LSM3: variants seen among roughly 807,000 people sequenced by gnomAD.
The protein encoded by LSM3 is U6 snRNA-associated Sm-like protein LSm3.
In LSM3, 14 loss-of-function variants were observed where a neutral mutation model predicts 15.4. That is an observed-to-expected ratio of 0.91 (90% CI 0.60 to 1.42). The LOEUF (loss-of-function observed/expected upper bound fraction) is 1.42, where lower values mean the gene tolerates loss of function less well. LSM3 is among the 40% of genes most tolerant of loss of function. LSM3 has a pLI of 0.00. For missense variants in LSM3, 88 were observed against 127.9 expected (o/e 0.69, Z 1.50); for synonymous variants, 46 against 45.1 (o/e 1.02, Z -0.08).
chr3:14,185,705 G>GT (rs1697082288), intron 3 of LSM3, among the ~76,000 whole-genome samples: 1 of 152,184 alleles, frequency 6.6e-6, no homozygotes, highest in African/African-American at 2.4e-5. Context: ...ATCTGAAACG[G>GT]TAACAGTAAA....
At chr3:14,193,576 G>C (rs1697160753) in intron 3 of LSM3, among the ~76,000 whole-genome samples, 2 of 152,108 alleles carry the variant, frequency 1.3e-5, no homozygotes, top group South Asian at 4.1e-4. Context: ...TTCAGCTATT[G>C]ATACTTGTTT....
intron 3 of LSM3, among the ~76,000 whole-genome samples, chr3:14,192,566 T>C (rs1697150144): frequency 6.6e-6 from 1 of 152,264 alleles, no homozygotes; most frequent in Admixed American, 6.5e-5. Context: ...CTTTGTTGGT[T>C]TAAAGTCTGT....
rs1487954587 is a variant in LSM3 at position 14,201,087 on chromosome 3, T to C, written c.*2971T>C. 6.6e-6 allele frequency: 1 copy of C among 152,260 alleles called. No individual in the cohort carries two copies. Among genetic ancestry groups the C allele is most frequent in the Admixed American group, 6.5e-5 (1 of 15,290 alleles). The allele number at this position is 152,260 out of a possible 1,614,324, so 9.4% of individuals were successfully genotyped here. A position where few individuals can be genotyped will look rare whatever the true frequency, so the allele number is the denominator to read the frequency against. On this transcript the variant is annotated 3_prime_UTR_variant, in exon 4 of 4. Transcript: ENST00000306024. ...AGCTGTGTTCAATGTAGAAAATTAA[T>C]AAAAGTTCCAGGAGTCATCCTGGCT...
At chr3:14,194,316 G>A (rs948293125) in intron 3 of LSM3, among the ~76,000 whole-genome samples, 3 of 152,228 alleles carry the variant, frequency 2.0e-5, no homozygotes, top group South Asian at 2.1e-4. Flanking sequence ...CTTCAGAGCC[G>A]TCAGGCAGAG....
intron 3 of LSM3, 142 bp from the exon 4 acceptor site, chr3:14,197,894 T>A: frequency 1.5e-6 from 1 of 656,622 alleles, no homozygotes; most frequent in Non-Finnish European, 2.7e-6. Flanking sequence ...GATTGGTTCT[T>A]GGTGCTACCA....
intron 3 of LSM3, among the ~76,000 whole-genome samples, chr3:14,195,949 G>GT (rs58504064): frequency 0.24 from 33,014 of 138,426 alleles, 4,697 homozygotes; most frequent in East Asian, 0.59. Flanking sequence ...AGCTTTGTGA[G>GT]TTTTTTTTTT....
rs1697205243 is a variant in LSM3, at chr3:14,198,416, G to A, written c.*300G>A. On this transcript the variant is annotated 3_prime_UTR_variant, in exon 4 of 4. Coordinates refer to ENST00000306024, the MANE Select transcript of LSM3 (RefSeq NM_014463.3). ...ACTGATTTTTCTTTTCTTTAAATTG[G>A]TGTTTCCTTGTAGATTTTTTTAAGT... 2 of 342,950 alleles carry A rather than the reference G, an allele frequency of 5.8e-6. No homozygotes were observed. Among genetic ancestry groups the A allele is most frequent in the Non-Finnish European group, 5.3e-6 (1 of 189,228 alleles). 21.2% of individuals were successfully genotyped at this position (342,950 alleles called of 1,614,324 possible).
At position 14,200,343 on chromosome 3, in the gene LSM3, G is replaced by A. The variant is rs1398435782; in HGVS notation, c.*2227G>A. On this transcript the variant is annotated 3_prime_UTR_variant, in exon 4 of 4. Transcript: ENST00000306024. ...TCAATCCACAACAGAGACAGCTCAAGCAGGGCCCTGCCATGGTCCACACTG... is the reference window on the plus strand; with the variant it reads ...TCAATCCACAACAGAGACAGCTCAAACAGGGCCCTGCCATGGTCCACACTG... 1 of 152,254 alleles carries A rather than the reference G, an allele frequency of 6.6e-6. No homozygotes were observed. The highest frequency in any genetic ancestry group is 2.4e-5 in the African/African-American group (1 of 41,462). The allele number at this position is 152,254 out of a possible 1,614,324, so 9.4% of individuals were successfully genotyped here. A position where few individuals can be genotyped will look rare whatever the true frequency, so the allele number is the denominator to read the frequency against.
intron 2 of LSM3, among the ~76,000 whole-genome samples, chr3:14,182,202 A>C (rs1483277027): frequency 1.3e-5 from 2 of 152,228 alleles, no homozygotes; most frequent in African/African-American, 4.8e-5. Flanking sequence ...TCTACAAAAA[A>C]TAAAATTTAA....
intron 1 of LSM3, among the ~76,000 whole-genome samples, chr3:14,180,162 C>T (rs558378137): frequency 2.7e-4 from 41 of 152,306 alleles, no homozygotes; most frequent in African/African-American, 8.7e-4. Context: ...TAACTCTTAG[C>T]GGCTGCAACC....
In LSM3 at chr3:14,198,073, G is replaced by C. The variant is rs1419546305; in HGVS notation, c.266G>C (p.Gly89Ala). ...KRNIPMLFVRGDGVVLVAPPL... is the reference protein window; with the variant it reads ...KRNIPMLFVRADGVVLVAPPL... ...AATATTCCAATGCTCTTTGTCCGGG[G>C]AGATGGCGTTGTCCTGGTTGCCCCT... Residue 89 changes from glycine (G) to alanine (A), a missense_variant, in exon 4 of 4, where the codon GGA (glycine) becomes GCA (alanine). Physicochemically the swap from Gly to Ala is moderately conservative, Grantham distance 60 (BLOSUM62 0). Coordinates refer to ENST00000306024, the MANE Select transcript of LSM3 (RefSeq NM_014463.3). 1 of 1,613,724 alleles carries C rather than the reference G, an allele frequency of 6.2e-7. No homozygotes were observed. The highest frequency in any genetic ancestry group is 8.5e-7 in the Non-Finnish European group (1 of 1,179,834).
chr3:14,183,111 A>C (rs1559390813), intron 2 of LSM3, among the ~76,000 whole-genome samples: 1 of 152,214 alleles, frequency 6.6e-6, no homozygotes, highest in African/African-American at 2.4e-5. Context: ...GATGGTCTCT[A>C]TCCTAAATGG....
intron 3 of LSM3, among the ~76,000 whole-genome samples, chr3:14,193,186 C>T (rs1697156901): frequency 1.3e-5 from 2 of 152,168 alleles, no homozygotes; most frequent in Non-Finnish European, 2.9e-5. Flanking sequence ...GTAACCCGAC[C>T]TTTCTGTCTG....
intron 2 of LSM3, among the ~76,000 whole-genome samples, chr3:14,181,940 G>C (rs375657832): frequency 6.6e-6 from 1 of 151,584 alleles, no homozygotes; most frequent in Non-Finnish European, 1.5e-5. Flanking sequence ...TCCTCCATTC[G>C]TAAATGTTTT....
intron 3 of LSM3, among the ~76,000 whole-genome samples, chr3:14,185,568 T>C (rs554925455): frequency 3.3e-5 from 5 of 152,256 alleles, no homozygotes; most frequent in Non-Finnish European, 7.3e-5. Context: ...TTGTTGTAAT[T>C]GAAGCAAATC....
At chr3:14,193,862 G>A (rs1002682783) in intron 3 of LSM3, among the ~76,000 whole-genome samples, 8 of 152,162 alleles carry the variant, frequency 5.3e-5, no homozygotes, top group African/African-American at 1.7e-4. Context: ...AGAGGCGTTC[G>A]TGTTTTTGGA....
intron 3 of LSM3, among the ~76,000 whole-genome samples, chr3:14,184,726 C>T (rs1262460563): frequency 6.9e-6 from 1 of 144,584 alleles, no homozygotes; most frequent in Admixed American, 7.1e-5. Context: ...CACTGCACTC[C>T]AGCCTGGGCG....
intron 3 of LSM3, among the ~76,000 whole-genome samples, chr3:14,192,057 G>A (rs1296051307): frequency 6.6e-6 from 1 of 152,174 alleles, no homozygotes. Context: ...TCATTCAGGA[G>A]CAGGTTGTTC....
intron 1 of LSM3, 39 bp from the exon 2 acceptor site, chr3:14,181,521 A>G (rs1363786436): frequency 7.6e-7 from 1 of 1,307,286 alleles, no homozygotes; most frequent in African/African-American, 1.5e-5. Context: ...CACTACTCTG[A>G]CTCTAGTACT....
Sources: gnomAD v4.1 joint callset for allele counts (sites outside exome capture counted in the v4.1 genomes callset) on GRCh38, gnomAD v4.1.1 for gene constraint, MANE v1.5 for transcripts, NCBI Gene and HGNC (gene_info 2026-07-23, HGNC 2026-07-21) for gene names.